The following MEST variants were observed in gnomAD, a reference collection of about 807,000 sequenced individuals.
The protein encoded by MEST is mesoderm-specific transcript homolog protein.
Under a neutral mutation model 50.9 loss-of-function variants are expected in MEST, and 18 were observed. That is an observed-to-expected ratio of 0.35 (90% CI 0.24 to 0.52). The LOEUF (loss-of-function observed/expected upper bound fraction) is 0.52. Among genes scored for constraint, MEST ranks in the 20% least tolerant of loss-of-function variants. MEST has a pLI of 0.94. For synonymous variants in MEST, 130 were observed against 154.1 expected, an observed-to-expected ratio of 0.84 and a Z score of 1.16; for missense variants, 282 against 425.3, an observed-to-expected ratio of 0.66 and a Z score of 2.96.
At chr7:130,494,876 A>T in intron 1 of MEST, 1 of 972,848 alleles carries the variant, frequency 1.0e-6, no homozygotes, top group Non-Finnish European at 1.2e-6. Flanking sequence ...CACACTCTTT[A>T]AAACATGAGA....
At chr7:130,501,076 T>C in intron 9 of MEST, 186 bp downstream of exon 9, 1 of 527,076 alleles carries the variant, frequency 1.9e-6, no homozygotes. Flanking sequence ...CTGGACTCTT[T>C]GTTAGTATTA....
At chr7:130,504,079 G>T in intron 11 of MEST, 83 bp downstream of exon 11, 3 of 1,112,096 alleles carry the variant, frequency 2.7e-6, no homozygotes, top group Non-Finnish European at 4.1e-6. Context: ...GAGGGCTATT[G>T]GCTCTAGCCA....
Position 130,497,292 on chromosome 7 carries a change from G to A in MEST, c.261+57G>A, listed in dbSNP as rs1481410670. On this transcript the variant is annotated intron_variant, in intron 3 of 11. Coordinates refer to ENST00000223215, the MANE Select transcript of MEST (RefSeq NM_002402.4). This position sits in a 1 kb window ranked among gnomAD's most constrained non-coding sequence, Gnocchi z 4.0. ...GTCTTAAAAAATCTCGGCCGGGCGCGGGGGCTCAAATCCTAGCACTTTGGG... is the reference window on the plus strand; with the variant it reads ...GTCTTAAAAAATCTCGGCCGGGCGCAGGGGCTCAAATCCTAGCACTTTGGG... 144 of 1,464,966 alleles carry A rather than the reference G, an allele frequency of 9.8e-5. 2 individuals are homozygous for A. Among genetic ancestry groups the A allele is most frequent in the South Asian group, 4.7e-4 (39 of 83,620 alleles). 90.7% of individuals were successfully genotyped at this position (1,464,966 alleles called of 1,614,324 possible).
At chr7:130,488,888 T>A (rs1235853737), upstream of MEST, 5 of 152,234 alleles carry the variant, frequency 3.3e-5, no homozygotes, top group Non-Finnish European at 7.3e-5. Flanking sequence ...GCAGTCACAG[T>A]AGCCTTTTTA....
chr7:130,500,399 T>C lies in MEST; in HGVS notation c.577-63T>C. 1 of 1,430,272 alleles carries C rather than the reference T, an allele frequency of 7.0e-7. No homozygotes were observed. The highest frequency in any genetic ancestry group is 9.7e-7 in the Non-Finnish European group (1 of 1,030,670). 88.6% of individuals were successfully genotyped at this position (1,430,272 alleles called of 1,614,324 possible). ...AAGATTTAGTTCCTAGTATAAAACC[T>C]TTTGCCCCGGTGAGGATCTTCCTCT... On this transcript the variant is annotated intron_variant, in intron 7 of 11. Coordinates refer to ENST00000223215, the MANE Select transcript of MEST (RefSeq NM_002402.4). This position sits in a 1 kb window ranked among gnomAD's most constrained non-coding sequence, Gnocchi z 5.0.
Position 130,494,008 on chromosome 7 carries a change from G to T in MEST, c.27-1360G>T, listed in dbSNP as rs1449731067. Among the ~76,000 whole-genome samples the T allele has an allele frequency of 2.6e-5, 4 of 152,088 alleles. No individual in the cohort carries two copies. In the East Asian group the frequency reaches 7.7e-4, roughly 29 times the overall value. The stretch of plus-strand genomic sequence containing the variant: ...GACCAAATGGTTCTATCCGTCTTAT[G>T]GACAGGTACTTTGGAGAAAAAAAGA... On this transcript the variant is annotated intron_variant, in intron 1 of 11. Transcript: ENST00000223215.
intron 11 of MEST, 95 bp from the exon 12 acceptor site, chr7:130,504,844 G>A: frequency 1.2e-6 from 1 of 836,490 alleles, no homozygotes; most frequent in Non-Finnish European, 2.0e-6. Flanking sequence ...TTCCAGTGTG[G>A]TGTGTCCACA....
upstream of MEST, chr7:130,489,248 T>G (rs1563016650): frequency 6.6e-6 from 1 of 152,242 alleles, no homozygotes; most frequent in Admixed American, 6.5e-5. Flanking sequence ...GGAACTGTGT[T>G]AGACTTGGAA....
upstream of MEST, among the ~76,000 whole-genome samples, chr7:130,490,346 C>T (rs1295260330): frequency 2.0e-5 from 3 of 152,214 alleles, no homozygotes; most frequent in Admixed American, 6.5e-5. Flanking sequence ...TCCCCAAACA[C>T]GCGGCCCTGA....
At chr7:130,491,836 G>A (rs1798824046), upstream of MEST, among the ~76,000 whole-genome samples, 1 of 152,086 alleles carries the variant, frequency 6.6e-6, no homozygotes, top group Admixed American at 6.5e-5. The surrounding 1 kb of genome is among the most constrained non-coding windows in gnomAD (Gnocchi z 6.8). Flanking sequence ...GCAGAATCTC[G>A]GGCTCAGGGT....
upstream of MEST, among the ~76,000 whole-genome samples, chr7:130,490,191 A>G (rs1798745083): frequency 6.6e-6 from 1 of 152,242 alleles, no homozygotes; most frequent in Admixed American, 6.5e-5. Flanking sequence ...AGACTAATTT[A>G]AATTTTGTTA....
chr7:130,491,841 C>T (rs561984391), upstream of MEST, among the ~76,000 whole-genome samples: 1 of 152,206 alleles, frequency 6.6e-6, no homozygotes, highest in Non-Finnish European at 1.5e-5. The surrounding 1 kb of genome is among the most constrained non-coding windows in gnomAD (Gnocchi z 6.8). Context: ...ATCTCGGGCT[C>T]AGGGTTGGCG....
chr7:130,501,102 T>C (rs1554438426), intron 9 of MEST: 2 of 441,670 alleles, frequency 4.5e-6, no homozygotes, highest in African/African-American at 4.0e-5. Flanking sequence ...TTCAAAGTAT[T>C]GAATCATGGT....
chr7:130,499,166 T>G (rs1799183990), intron 6 of MEST, among the ~76,000 whole-genome samples: 1 of 152,160 alleles, frequency 6.6e-6, no homozygotes. Context: ...AGTGCCAAGT[T>G]TCAGTTAGAA....
At chr7:130,501,940 A>G (rs567052558) in intron 9 of MEST, among the ~76,000 whole-genome samples, 2 of 151,998 alleles carry the variant, frequency 1.3e-5, no homozygotes, top group South Asian at 4.2e-4. Context: ...GTGAACTGAG[A>G]TCATGCCACT....
intron 11 of MEST, 129 bp from the exon 12 acceptor site, chr7:130,504,810 G>GTGAAT: frequency 1.6e-6 from 1 of 622,382 alleles, no homozygotes. Context: ...AGAGTAGAAG[G>GTGAAT]TGAATAAGCT....
intron 1 of MEST, among the ~76,000 whole-genome samples, chr7:130,495,048 T>C (rs747871288): frequency 1.3e-5 from 2 of 152,146 alleles, no homozygotes; most frequent in Non-Finnish European, 2.9e-5. Context: ...CTTTTATTTA[T>C]ATAAAGTCCT....
chr7:130,496,874 G>A (rs1161503807), intron 2 of MEST: 1 of 245,796 alleles, frequency 4.1e-6, no homozygotes, highest in Non-Finnish European at 7.8e-6. Context: ...AGGAGAAATG[G>A]GGAGATGCTG....
At chr7:130,494,872 C>A in intron 1 of MEST, 1 of 979,666 alleles carries the variant, frequency 1.0e-6, no homozygotes, top group African/African-American at 1.7e-5. Context: ...CACACACACT[C>A]TTTAAAACAT....
Sources: gnomAD v4.1 joint callset for allele counts (sites outside exome capture counted in the v4.1 genomes callset) on GRCh38, gnomAD v4.1.1 for gene constraint, Gnocchi (gnomAD v3.1) non-coding constraint, MANE v1.5 for transcripts, NCBI Gene and HGNC (gene_info 2026-07-23, HGNC 2026-07-21) for gene names.